Variants in SVIL observed in about 807,000 individuals in gnomAD.
SVIL encodes the protein archvillin.
In SVIL, 101 loss-of-function variants were observed where a neutral mutation model predicts 240.4. The ratio of observed to expected loss-of-function variants is 0.42; its 90% confidence interval spans 0.36 to 0.50. SVIL has a LOEUF of 0.50. SVIL is among the 20% of genes least tolerant of loss of function. The pLI, the probability that SVIL is intolerant of heterozygous loss-of-function variation, is 0.01. For missense variants in SVIL, 2,512 were observed against 2,818.7 expected (o/e 0.89, Z 2.46); for synonymous variants, 999 against 1,100.0 (o/e 0.91, Z 1.82).
chr10:29,494,090 G>A (rs1373666472), intron 20 of SVIL, among the ~76,000 whole-genome samples: 1 of 152,144 alleles, frequency 6.6e-6, no homozygotes, highest in Non-Finnish European at 1.5e-5. Context: ...AGGATTGCTT[G>A]AGTCCAGTTC....
intron 17 of SVIL, among the ~76,000 whole-genome samples, chr10:29,511,246 C>G (rs1949813075): frequency 7.1e-6 from 1 of 140,624 alleles, no homozygotes; most frequent in Non-Finnish European, 1.6e-5. Context: ...AGCCTTCTGG[C>G]TTCCACACCT....
chr10:29,567,755 G>A (rs1428024304), intron 2 of SVIL, among the ~76,000 whole-genome samples: 7 of 152,116 alleles, frequency 4.6e-5, no homozygotes, highest in African/African-American at 1.7e-4. Context: ...AGTGACTCAC[G>A]CCTGTAATCC....
At position 29,569,239 on chromosome 10, in the gene SVIL, G is replaced by A. The variant is rs1223044745; in HGVS notation, c.-143+16C>T. The A allele has an allele frequency of 1.0e-6, 1 of 984,318 alleles. No homozygotes were observed. The highest frequency in any genetic ancestry group is 1.7e-5 in the African/African-American group (1 of 57,194). The allele number at this position is 984,318 out of a possible 1,614,324, so 61.0% of individuals were successfully genotyped here. On this transcript the variant is annotated intron_variant, in intron 2 of 37. Transcript: ENST00000355867. ...ATCTTCAAAATTTCACAGTTGTTGA[G>A]ACAAGGCCACTTTACCTTGAAACTT...
chr10:29,616,671 T>C (rs1957438204), intron 1 of SVIL, among the ~76,000 whole-genome samples: 1 of 152,222 alleles, frequency 6.6e-6, no homozygotes, highest in Admixed American at 6.5e-5. Context: ...GGCATAAACT[T>C]CCCTTTGTTC....
intron 12 of SVIL, among the ~76,000 whole-genome samples, chr10:29,529,477 G>C (rs1490033395): frequency 6.6e-6 from 1 of 152,100 alleles, no homozygotes; most frequent in Non-Finnish European, 1.5e-5. Flanking sequence ...AATATGCAGA[G>C]ACAGAAACAA....
Position 29,465,660 on chromosome 10 carries a change from C to T in SVIL, c.6068G>A (p.Arg2023Gln), listed in dbSNP as rs1429055068. 3.7e-6 allele frequency: 6 copies of T among 1,613,606 alleles called. No homozygotes were observed. The African/African-American group carries it at 6.7e-5, about 18-fold the overall frequency. ...CATGGAACTGACCACAGAGGGGGCT[C>T]GGGCAGGGTACACAAACTCTGTGGC... is the stretch of plus-strand genomic sequence containing the variant. ...FAATEFVYPARAPSVVSSMPF... is the reference protein window; with the variant it reads ...FAATEFVYPAQAPSVVSSMPF... Residue 2023 changes from arginine to glutamine, a missense_variant, in exon 34 of 38, where the codon CGA (arginine) becomes CAA (glutamine). Physicochemically the swap from Arg to Gln is conservative, Grantham distance 43. Around this residue, in one of 3 missense-constraint regions of SVIL, gnomAD observed 797 missense variants for 925.3 expected, o/e 0.86. Coordinates refer to ENST00000355867, the MANE Select transcript of SVIL (RefSeq NM_021738.3).
intron 3 of SVIL, among the ~76,000 whole-genome samples, chr10:29,657,430 G>A (rs956437378): frequency 3.3e-5 from 5 of 152,266 alleles, no homozygotes; most frequent in Admixed American, 1.3e-4. Flanking sequence ...CTTTCCAAAC[G>A]CACTTAGGCA....
intron 1 of SVIL, among the ~76,000 whole-genome samples, chr10:29,725,207 A>G (rs933615885): frequency 2.0e-5 from 3 of 151,794 alleles, no homozygotes; most frequent in African/African-American, 7.3e-5. Flanking sequence ...ATGCTTATCA[A>G]AGTTTCTCCT....
chr10:29,540,979 T>C (rs1371607077), intron 6 of SVIL, among the ~76,000 whole-genome samples: 1 of 152,196 alleles, frequency 6.6e-6, no homozygotes, highest in East Asian at 1.9e-4. Flanking sequence ...AAATATTTCA[T>C]TCCATCAAAG....
At chr10:29,487,433 C>G (rs968600483) in intron 23 of SVIL, 134 bp from the exon 24 acceptor site, 1 of 997,008 alleles carries the variant, frequency 1.0e-6, no homozygotes, top group African/African-American at 1.6e-5. Context: ...GCCCATGGCC[C>G]AGGGTGGCAG....
intron 1 of SVIL, among the ~76,000 whole-genome samples, chr10:29,716,678 C>CA (rs1462044634): frequency 6.6e-6 from 1 of 151,920 alleles, no homozygotes; most frequent in Non-Finnish European, 1.5e-5. Flanking sequence ...TAAGAATGGC[C>CA]AAAAAAATTG....
chr10:29,556,094 G>A (rs1953908432), intron 3 of SVIL, among the ~76,000 whole-genome samples: 1 of 152,204 alleles, frequency 6.6e-6, no homozygotes, highest in African/African-American at 2.4e-5. Flanking sequence ...GCTGAGGTTG[G>A]GAGATTCTCA....
intron 16 of SVIL, among the ~76,000 whole-genome samples, chr10:29,515,561 T>C (rs1487447511): frequency 6.6e-6 from 1 of 152,218 alleles, no homozygotes; most frequent in Non-Finnish European, 1.5e-5. Flanking sequence ...AGCACTCATC[T>C]CACTGATATT....
intron 32 of SVIL, among the ~76,000 whole-genome samples, chr10:29,468,371 G>T (rs1053954777): frequency 6.6e-6 from 1 of 151,640 alleles, no homozygotes; most frequent in African/African-American, 2.4e-5. Context: ...TAGATATTTG[G>T]GTTATTTCCA....
intron 17 of SVIL, 58 bp downstream of exon 17, chr10:29,512,677 G>C: frequency 6.2e-7 from 1 of 1,612,998 alleles, no homozygotes; most frequent in East Asian, 2.2e-5. Flanking sequence ...TTGTCTTTTT[G>C]ATGCACTTCC....
intron 1 of SVIL, among the ~76,000 whole-genome samples, chr10:29,600,375 G>A (rs770086599): frequency 7.2e-5 from 11 of 152,190 alleles, no homozygotes; most frequent in Non-Finnish European, 1.5e-4. Context: ...CTCCTAAGGA[G>A]TCTTAACCTT....
At chr10:29,466,859 C>T (rs533609720) in intron 33 of SVIL, among the ~76,000 whole-genome samples, 33 of 151,960 alleles carry the variant, frequency 2.2e-4, no homozygotes, top group Non-Finnish European at 4.1e-4. Context: ...TTAACTTCTC[C>T]ATAATTTCAA....
At chr10:29,590,109 T>C (rs1167207808) in intron 1 of SVIL, among the ~76,000 whole-genome samples, 1 of 131,188 alleles carries the variant, frequency 7.6e-6, no homozygotes, top group Non-Finnish European at 1.5e-5. Context: ...GAGGTTGCAG[T>C]GAGCCAAGAT....
intron 24 of SVIL, 44 bp from the exon 25 acceptor site, chr10:29,486,601 G>A (rs758781427): frequency 4.3e-6 from 7 of 1,612,020 alleles, no homozygotes; most frequent in Non-Finnish European, 5.9e-6. Flanking sequence ...AAAAGCCCTT[G>A]GCTAGACAGA....
Sources: allele counts gnomAD v4.1 joint callset (sites outside exome capture counted in the v4.1 genomes callset), GRCh38; gene constraint gnomAD v4.1.1; regional missense constraint gnomAD v4.1.1; transcripts MANE v1.5; gene names NCBI Gene and HGNC (gene_info 2026-07-23, HGNC 2026-07-21).